Variants in MRAP2 observed in about 807,000 individuals in gnomAD.
The protein encoded by MRAP2 is melanocortin 2 receptor accessory protein 2, also known as melanocortin-2 receptor accessory protein 2.
Under a neutral mutation model 17.4 loss-of-function variants are expected in MRAP2, and 20 were observed. That is an observed-to-expected ratio of 1.15 (90% CI 0.81 to 1.67). The LOEUF is 1.67. Among genes scored for constraint, MRAP2 ranks in the 40% most tolerant of loss-of-function variants. The pLI, the probability that MRAP2 is intolerant of heterozygous loss-of-function variation, is 0.00. For missense variants in MRAP2, 238 were observed against 240.0 expected (o/e 0.99, Z 0.05); for synonymous variants, 96 against 88.4 (o/e 1.09, Z -0.48).
rs149952887 is a variant in MRAP2, at chr6:84,058,145, G to A, written c.127+2700G>A. Among the ~76,000 whole-genome samples, 976 of 152,326 alleles carry A rather than the reference G, an allele frequency of 6.4e-3. 5 individuals are homozygous for A. The highest frequency in any genetic ancestry group is 0.011 in the Non-Finnish European group (730 of 68,022). On this transcript the variant is annotated intron_variant, in intron 2 of 3. Coordinates refer to ENST00000257776, the MANE Select transcript of MRAP2 (RefSeq NM_138409.4). The stretch of plus-strand genomic sequence containing the variant: ...AGTCACTGGAGGGTCTGGAGCAGAG[G>A]AGTGCCATCTGGCTTAGGTTTCAAC...
Position 84,089,194 on chromosome 6 carries a change from G to T in MRAP2, c.331G>T (p.Glu111Ter). The change falls in exon 4 of 4, where the codon GAG becomes TAG. Residue 111 changes from glutamate to a stop codon, truncating the protein, a stop_gained. Transcript: ENST00000257776. LOFTEE classifies it high-confidence loss of function. ...AGTATTTTCTCGCCAAGGCAACGAG[G>T]AGTCCAGGTCTCTCTTTCACTGCTA... ...DKVFSRQGNE[E>*]SRSLFHCYIN... The T allele has an allele frequency of 1.2e-6, 2 of 1,614,178 alleles. No homozygotes were observed. The highest frequency in any genetic ancestry group is 1.7e-6 in the Non-Finnish European group (2 of 1,180,034).
intron 3 of MRAP2, among the ~76,000 whole-genome samples, chr6:84,063,895 A>G (rs908995501): frequency 6.6e-6 from 1 of 151,952 alleles, no homozygotes; most frequent in Middle Eastern, 3.4e-3. Flanking sequence ...AATACAAAAA[A>G]TTAGCCTGTT....
At chr6:84,109,571 G>A in the MRAP2 span, among the ~76,000 whole-genome samples, 1 of 151,646 alleles carries the variant, frequency 6.6e-6, no homozygotes, top group Admixed American at 6.6e-5. Context: ...GCTGAGATGA[G>A]GGAGGTTTCT....
At chr6:84,116,266 T>C in the MRAP2 span, among the ~76,000 whole-genome samples, 2 of 152,120 alleles carry the variant, frequency 1.3e-5, no homozygotes, top group Admixed American at 1.3e-4. Context: ...CCATTTGTTG[T>C]GTGAGGGACC....
At chr6:84,052,735 G>T in intron 1 of MRAP2, 1 of 922,052 alleles carries the variant, frequency 1.1e-6, no homozygotes. Context: ...GCTGCCTGGG[G>T]AGAGCTGGTG....
rs74947698 is a variant in MRAP2 at position 84,087,020 on chromosome 6, G to A, written c.228-2071G>A. 2.0e-3 allele frequency among the ~76,000 whole-genome samples: 309 copies of A among 152,280 alleles called. 1 individual carries two copies. The highest frequency in any genetic ancestry group is 2.6e-3 in the Non-Finnish European group (176 of 68,026). ...TGTGGACCCCAGCAATCTTAATTAT[G>A]CTTTCTCCAAATGCTTTGTGAACCC... On this transcript the variant is annotated intron_variant, in intron 3 of 3. Coordinates refer to ENST00000257776, the MANE Select transcript of MRAP2 (RefSeq NM_138409.4).
chr6:84,035,519 T>C (rs1402745500), intron 1 of MRAP2: 1 of 570,984 alleles, frequency 1.8e-6, no homozygotes. Context: ...CAAATAGCAG[T>C]TTTTAAAACA....
intron 3 of MRAP2, among the ~76,000 whole-genome samples, chr6:84,081,714 G>C (rs912763032): frequency 3.9e-5 from 6 of 152,180 alleles, no homozygotes; most frequent in African/African-American, 1.4e-4. Context: ...AGTTACTTGG[G>C]AGGCTGCGGC....
chr6:84,130,956 G>A, the MRAP2 span, among the ~76,000 whole-genome samples: 51 of 152,098 alleles, frequency 3.4e-4, no homozygotes, highest in African/African-American at 1.2e-3. Context: ...TTAGGGTGTT[G>A]ATTTTAGATC....
At chr6:84,098,775 T>A in the MRAP2 span, among the ~76,000 whole-genome samples, 1 of 152,162 alleles carries the variant, frequency 6.6e-6, no homozygotes. Flanking sequence ...GCCTTTCAAG[T>A]CTTTGTCCCA....
chr6:84,040,717 G>C (rs1458971258), intron 1 of MRAP2, among the ~76,000 whole-genome samples: 2 of 152,174 alleles, frequency 1.3e-5, no homozygotes, highest in East Asian at 3.8e-4. Context: ...TTAGTAAAGA[G>C]ACTGGTGACA....
the MRAP2 span, among the ~76,000 whole-genome samples, chr6:84,129,784 T>C: frequency 6.6e-6 from 1 of 152,202 alleles, no homozygotes; most frequent in Non-Finnish European, 1.5e-5. Context: ...TTTCTAAATA[T>C]ACAATTGTGT....
the MRAP2 span, among the ~76,000 whole-genome samples, chr6:84,117,792 C>G: frequency 8.6e-5 from 13 of 152,028 alleles, no homozygotes; most frequent in African/African-American, 3.1e-4. Context: ...TTTCCAGTAC[C>G]TGGAGGTATC....
the MRAP2 span, among the ~76,000 whole-genome samples, chr6:84,138,139 G>GTA: frequency 6.6e-6 from 1 of 152,178 alleles, no homozygotes; most frequent in South Asian, 2.1e-4. Context: ...GGTTTAAAAT[G>GTA]TATAGTGTGC....
intron 1 of MRAP2, among the ~76,000 whole-genome samples, chr6:84,043,108 T>G (rs2099488086): frequency 1.3e-5 from 2 of 152,236 alleles, no homozygotes. Flanking sequence ...CTTCTTAGTC[T>G]TATTCTGCCA....
the MRAP2 span, among the ~76,000 whole-genome samples, chr6:84,122,086 A>G: frequency 2.0e-5 from 3 of 152,108 alleles, no homozygotes; most frequent in African/African-American, 7.2e-5. Flanking sequence ...ATCTTCCAAA[A>G]CAACAAAAAG....
At position 84,089,089 on chromosome 6, in the gene MRAP2, A is replaced by G. The variant is rs756421129; in HGVS notation, c.228-2A>G. On this transcript the variant is annotated splice_acceptor_variant, in intron 3 of 3. Coordinates refer to ENST00000257776, the MANE Select transcript of MRAP2 (RefSeq NM_138409.4). LOFTEE classifies it high-confidence loss of function. ...AGTCTTTTATTTTCTTTTTTTAAATAGCAATGCAGAGTCCTCAGAGAAGAG... is the reference window on the plus strand; with the variant it reads ...AGTCTTTTATTTTCTTTTTTTAAATGGCAATGCAGAGTCCTCAGAGAAGAG... 24 of 1,593,672 alleles carry G rather than the reference A, an allele frequency of 1.5e-5. No individual in the cohort carries two copies. The Admixed American group carries it at 2.9e-4, about 20-fold the overall frequency.
At chr6:84,108,718 C>A in the MRAP2 span, among the ~76,000 whole-genome samples, 1 of 152,138 alleles carries the variant, frequency 6.6e-6, no homozygotes, top group African/African-American at 2.4e-5. Context: ...GTTTCAAGTG[C>A]TATTGGCATC....
intron 1 of MRAP2, chr6:84,052,772 C>T (rs2099490762): frequency 2.0e-6 from 2 of 984,196 alleles, no homozygotes; most frequent in Admixed American, 6.1e-5. Flanking sequence ...AGAATGAGAA[C>T]CTCCTGTAGG....
Sources: gnomAD v4.1 joint callset for allele counts (sites outside exome capture counted in the v4.1 genomes callset) on GRCh38, gnomAD v4.1.1 for gene constraint, MANE v1.5 for transcripts, NCBI Gene and HGNC (gene_info 2026-07-23, HGNC 2026-07-21) for gene names.